ZBTB45: variants seen among roughly 807,000 people sequenced by gnomAD.
ZBTB45 encodes zinc finger and BTB domain-containing protein 45.
A neutral mutation model predicts 28.4 loss-of-function variants in ZBTB45; 22 were observed. That is an observed-to-expected ratio of 0.77 (90% CI 0.55 to 1.10). The LOEUF is 1.10. Ranked by LOEUF, ZBTB45 falls within the 50% of genes least tolerant of loss-of-function variation. ZBTB45 has a pLI of 0.00. For missense variants in ZBTB45, 656 were observed against 750.2 expected (o/e 0.87, Z 1.47); for synonymous variants, 361 against 332.3 (o/e 1.09, Z -0.94).
At chr19:58,524,459 G>GTA (rs2053596686), upstream of ZBTB45, among the ~76,000 whole-genome samples, 1 of 150,952 alleles carries the variant, frequency 6.6e-6, no homozygotes, top group Non-Finnish European at 1.5e-5. Flanking sequence ...GTGTGTGTGT[G>GTA]TGTGTGTGTG....
chr19:58,532,477 T>G (rs1318865218), intron 1 of ZBTB45, among the ~76,000 whole-genome samples: 1 of 152,158 alleles, frequency 6.6e-6, no homozygotes. Context: ...GCAGGCAAAG[T>G]AGGTTTCATT....
chr19:58,520,671 T>C (rs780697564), upstream of ZBTB45, among the ~76,000 whole-genome samples: 8 of 152,050 alleles, frequency 5.3e-5, no homozygotes, highest in Non-Finnish European at 1.0e-4. Context: ...TTCCAGAGGC[T>C]TTGAAGGTAG....
chr19:58,524,433 A>ATG (rs1364446202), upstream of ZBTB45, among the ~76,000 whole-genome samples: 4,991 of 111,684 alleles, frequency 0.045, 117 homozygotes, highest in Admixed American at 0.079. Context: ...GTGTGTTCAT[A>ATG]TATGTGTGTG....
chr19:58,517,371 C>T lies in ZBTB45; in HGVS notation c.303G>A (p.Gln101=). 1 of 1,612,718 alleles carries T rather than the reference C, an allele frequency of 6.2e-7. No homozygotes were observed. Among genetic ancestry groups the T allele is most frequent in the East Asian group, 2.2e-5 (1 of 44,872 alleles). ...SLVVAQGEAL[Q]VLTAASVLRI... is the part of the protein sequence containing the mutation. Reference sequence around the variant, plus strand: ...GAAGCACTGACGCGGCCGTGAGCACCTGCAGGGCTTCACCCTGCGCCACAA... The same window carrying T: ...GAAGCACTGACGCGGCCGTGAGCACTTGCAGGGCTTCACCCTGCGCCACAA... Residue 101 remains glutamine (Q), a synonymous_variant, in exon 2 of 3, where the codon CAG becomes CAA. Transcript: ENST00000594051.
chr19:58,520,452 C>G (rs1240343350), upstream of ZBTB45, among the ~76,000 whole-genome samples: 2 of 151,898 alleles, frequency 1.3e-5, no homozygotes, highest in Non-Finnish European at 2.9e-5. Flanking sequence ...GATTTCCGTG[C>G]CCAAATCCCC....
chr19:58,531,613 C>T (rs1419390688), intron 1 of ZBTB45, among the ~76,000 whole-genome samples: 3 of 152,194 alleles, frequency 2.0e-5, no homozygotes, highest in Non-Finnish European at 2.9e-5. Context: ...CCCTGAAATA[C>T]GGTTCCCCTT....
At chr19:58,523,371 C>A (rs564919342), upstream of ZBTB45, among the ~76,000 whole-genome samples, 77 of 150,658 alleles carry the variant, frequency 5.1e-4, no homozygotes, top group Non-Finnish European at 5.9e-5. Context: ...CATGGTGAAA[C>A]CCGGTCTCTA....
At chr19:58,517,912 G>A (rs750368997) in intron 1 of ZBTB45, among the ~76,000 whole-genome samples, 3 of 145,094 alleles carry the variant, frequency 2.1e-5, no homozygotes, top group Admixed American at 1.4e-4. Flanking sequence ...CCCCATTAAC[G>A]CTGCAAACCC....
At position 58,516,917 on chromosome 19, in the gene ZBTB45, A is replaced by G; in HGVS notation, c.757T>C (p.Cys253Arg). ...GFLTAAADSA[C>R]EEPPAPTGLA... Reference sequence around the variant, plus strand: ...CCAGTGGGTGCAGGGGGCTCCTCGCACGCGCTGTCAGCAGCAGCAGTGAGG... The same window carrying G: ...CCAGTGGGTGCAGGGGGCTCCTCGCGCGCGCTGTCAGCAGCAGCAGTGAGG... The change falls in exon 2 of 3, where the codon TGC (cysteine) becomes CGC (arginine). Residue 253 changes from cysteine (C) to arginine (R), a missense_variant. Cys to Arg is a radical substitution (Grantham distance 180). Around this residue, in one of 3 missense-constraint regions of ZBTB45, gnomAD observed 448 missense variants for 444.3 expected, o/e 1.01. Transcript: ENST00000594051. This position sits in a 1 kb window ranked among gnomAD's most constrained non-coding sequence, Gnocchi z 6.2. 6.2e-7 allele frequency: 1 copy of G among 1,613,242 alleles called. No homozygotes were observed. The highest frequency in any genetic ancestry group is 8.5e-7 in the Non-Finnish European group (1 of 1,180,010).
In ZBTB45 at chr19:58,516,522, G is replaced by A. The variant is rs746107128; in HGVS notation, c.1152C>T (p.Pro384=). The change falls in exon 2 of 3, where the codon CCC becomes CCT. Residue 384 remains proline, a synonymous_variant. Transcript: ENST00000594051. The surrounding 1 kb of genome is among the most constrained non-coding windows in gnomAD (Gnocchi z 6.2). Reference sequence around the variant, plus strand: ...CAGGGGTGCCTGAGGGGGCCGTGGTGGGAGCAGCAGAGGGAGCCGGGACCT... The same window carrying A: ...CAGGGGTGCCTGAGGGGGCCGTGGTAGGAGCAGCAGAGGGAGCCGGGACCT... The part of the protein sequence containing the change: ...LGEVPAPSAA[P]TTAPSGTPAR... 13 of 1,612,616 alleles carry A rather than the reference G, an allele frequency of 8.1e-6. No homozygotes were observed. The highest frequency in any genetic ancestry group is 1.1e-5 in the South Asian group (1 of 91,018).
chr19:58,534,546 C>T (rs916702523), intron 1 of ZBTB45, among the ~76,000 whole-genome samples: 9 of 145,934 alleles, frequency 6.2e-5, no homozygotes, highest in African/African-American at 1.8e-4. Context: ...CGTGCCACCA[C>T]GCCCAGCTAA....
Position 58,516,598 on chromosome 19 carries a change from G to T in ZBTB45, c.1076C>A (p.Ala359Asp), listed in dbSNP as rs758958692. 3 of 1,563,354 alleles carry T rather than the reference G, an allele frequency of 1.9e-6. No homozygotes were observed. Among genetic ancestry groups the T allele is most frequent in the South Asian group, 2.4e-5 (2 of 83,516 alleles). The change falls in exon 2 of 3, where the codon GCC becomes GAC. Residue 359 changes from alanine to aspartate, a missense_variant. Coordinates refer to ENST00000594051, the MANE Select transcript of ZBTB45 (RefSeq NM_001316979.2). The surrounding 1 kb of genome is among the most constrained non-coding windows in gnomAD (Gnocchi z 6.2). ...CTCGGGCTGGAGTGTGGGGTAGAAG[G>T]CGGGTGGGGGCGCAGGGGCTGGCCC... ...PSGPAPAPPP[A>D]FYPTLQPEAA...
In ZBTB45 at chr19:58,516,590, G is replaced by A. The variant is rs764770791; in HGVS notation, c.1084C>T (p.Pro362Ser). The change falls in exon 2 of 3, where the codon CCC (proline) becomes TCC (serine). Residue 362 changes from proline to serine, a missense_variant. Physicochemically the swap from Pro to Ser is moderately conservative, Grantham distance 74 (BLOSUM62 -1). This residue lies in a region of ZBTB45 where 448 missense variants were observed against 444.3 expected (regional missense o/e 1.01). Coordinates refer to ENST00000594051, the MANE Select transcript of ZBTB45 (RefSeq NM_001316979.2). The surrounding 1 kb of genome is among the most constrained non-coding windows in gnomAD (Gnocchi z 6.2). ...PAPAPPPAFY[P>S]TLQPEAAPST... Reference sequence around the variant, plus strand: ...GGGGCTGCCTCGGGCTGGAGTGTGGGGTAGAAGGCGGGTGGGGGCGCAGGG... The same window carrying A: ...GGGGCTGCCTCGGGCTGGAGTGTGGAGTAGAAGGCGGGTGGGGGCGCAGGG... The A allele has an allele frequency of 2.5e-6, 4 of 1,571,656 alleles. No individual in the cohort carries two copies. In the East Asian group the frequency reaches 9.0e-5, roughly 36 times the overall value.
chr19:58,527,840 C>T (rs1201868168), intron 1 of ZBTB45, among the ~76,000 whole-genome samples: 1 of 152,110 alleles, frequency 6.6e-6, no homozygotes, highest in Non-Finnish European at 1.5e-5. Flanking sequence ...CATGGCTCAC[C>T]CCTGTAATCC....
In ZBTB45 at chr19:58,516,975, T is replaced by C. The variant is rs1408614684; in HGVS notation, c.699A>G (p.Ala233=). 1 of 1,613,042 alleles carries C rather than the reference T, an allele frequency of 6.2e-7. No individual in the cohort carries two copies. The highest frequency in any genetic ancestry group is 8.5e-7 in the Non-Finnish European group (1 of 1,179,976). The part of the protein sequence containing the change: ...GEGGGPGEGQ[A]PPSFPDCAAG... ...CAGCACAGTCTGGGAAGGAAGGAGG[T>C]GCCTGGCCCTCGCCTGGGCCGCCAC... Residue 233 remains alanine (A), a synonymous_variant, in exon 2 of 3, where the codon GCA becomes GCG. Coordinates refer to ENST00000594051, the MANE Select transcript of ZBTB45 (RefSeq NM_001316979.2). This position sits in a 1 kb window ranked among gnomAD's most constrained non-coding sequence, Gnocchi z 6.2.
upstream of ZBTB45, among the ~76,000 whole-genome samples, chr19:58,520,676 A>G (rs1405473822): frequency 6.6e-6 from 1 of 152,180 alleles, no homozygotes; most frequent in African/African-American, 2.4e-5. Flanking sequence ...GAGGCTTTGA[A>G]GGTAGAGAGG....
intron 1 of ZBTB45, among the ~76,000 whole-genome samples, chr19:58,518,519 A>G (rs574683778): frequency 6.6e-6 from 1 of 152,172 alleles, no homozygotes; most frequent in East Asian, 1.9e-4. Context: ...TGGGTGTGGC[A>G]CAGAGAGGGG....
chr19:58,536,127 G>C (rs555825039), intron 1 of ZBTB45, among the ~76,000 whole-genome samples: 1 of 151,846 alleles, frequency 6.6e-6, no homozygotes, highest in East Asian at 1.9e-4. Context: ...GCCCAGGCTG[G>C]AGTGCAGTGC....
rs745503214 is a variant in ZBTB45 at position 58,517,396 on chromosome 19, A to G, written c.278T>C (p.Val93Ala). The part of the protein sequence containing the change: ...LVEFLYSGSL[V>A]VAQGEALQVL... Reference sequence around the variant, plus strand: ...CTGCAGGGCTTCACCCTGCGCCACAACGAGCGAACCGCTGTACAGGAACTC... The same window carrying G: ...CTGCAGGGCTTCACCCTGCGCCACAGCGAGCGAACCGCTGTACAGGAACTC... The change falls in exon 2 of 3, where the codon GTT becomes GCT. Residue 93 changes from valine to alanine, a missense_variant. Val to Ala is a moderately conservative substitution (Grantham distance 64). This residue lies in a region of ZBTB45 where 105 missense variants were observed against 152.4 expected (regional missense o/e 0.69). Transcript: ENST00000594051. The G allele has an allele frequency of 1.2e-6, 2 of 1,612,914 alleles. No individual in the cohort carries two copies. Among genetic ancestry groups the G allele is most frequent in the Non-Finnish European group, 1.7e-6 (2 of 1,179,920 alleles).
Sources: allele counts gnomAD v4.1 joint callset (sites outside exome capture counted in the v4.1 genomes callset), GRCh38; gene constraint gnomAD v4.1.1; regional missense constraint gnomAD v4.1.1; non-coding constraint Gnocchi (gnomAD v3.1); transcripts MANE v1.5; gene names NCBI Gene and HGNC (gene_info 2026-07-23, HGNC 2026-07-21).